The following MICAL3 variants were observed in gnomAD, a reference collection of about 807,000 sequenced individuals.
The protein encoded by MICAL3 is microtubule associated monooxygenase, calponin and LIM domain containing 3, also known as [F-actin]-monooxygenase MICAL3.
Under a neutral mutation model 207.4 loss-of-function variants are expected in MICAL3, and 62 were observed. That is an observed-to-expected ratio of 0.30 (90% confidence interval 0.24 to 0.37). MICAL3 has a LOEUF of 0.37. Ranked by LOEUF, MICAL3 falls within the 10% of genes least tolerant of loss-of-function variation. The pLI is 1.00. For missense variants in MICAL3, 2,368 were observed against 2,635.6 expected (o/e 0.90, Z 2.22); for synonymous variants, 1,077 against 1,069.3 (o/e 1.01, Z -0.14).
At chr22:17,927,387 A>C (rs1363316579) in intron 1 of MICAL3, among the ~76,000 whole-genome samples, 3 of 152,208 alleles carry the variant, frequency 2.0e-5, no homozygotes, top group Non-Finnish European at 4.4e-5. Flanking sequence ...TGCTGCCATA[A>C]ACATGGGGAC....
At chr22:17,961,021 G>A (rs982991089) in intron 1 of MICAL3, among the ~76,000 whole-genome samples, 1 of 152,116 alleles carries the variant, frequency 6.6e-6, no homozygotes, top group East Asian at 1.9e-4. Context: ...GAGCAGGGAA[G>A]AATGACATCG....
chr22:17,791,284 C>A lies in MICAL3; in HGVS notation c.5668G>T (p.Asp1890Tyr), dbSNP rs192602831. ...AACCACTCCTGCATCAGCTTGGGGT[C>A]GTCCTTCTTGCCCATGCCTGCCGAG... Reference protein sequence around the residue: ...RGEAGMGKKDDPKLMQEWFKL... With the variant: ...RGEAGMGKKDYPKLMQEWFKL... Residue 1890 changes from aspartate (D) to tyrosine (Y), a missense_variant, in exon 30 of 32, where the codon GAC becomes TAC. Asp to Tyr is a radical substitution (Grantham distance 160). This residue lies in a region of MICAL3 where 1,770 missense variants were observed against 1,863.2 expected (regional missense o/e 0.95). Transcript: ENST00000441493. 9.2e-5 allele frequency: 148 copies of A among 1,613,622 alleles called. 1 individual carries two copies. The East Asian group carries it at 2.3e-3, about 26-fold the overall frequency.
At position 17,817,363 on chromosome 22, in the gene MICAL3, G is replaced by A; in HGVS notation, c.5298C>T (p.Ser1766=). ...DDKSCPSTPS[S]GATVDSGKHR... ...GCTTTCCAGAGTCCACCGTGGCCCC[G>A]CTGGAGGGGGTGCTGGGGCAGGACT... The change falls in exon 26 of 32, where the codon AGC becomes AGT. Residue 1766 remains serine, a synonymous_variant. Transcript: ENST00000441493. 18 of 1,611,260 alleles carry A rather than the reference G, an allele frequency of 1.1e-5. No homozygotes were observed. The highest frequency in any genetic ancestry group is 1.7e-4 in the Middle Eastern group (1 of 6,056).
At chr22:17,860,653 C>G in intron 19 of MICAL3, 2 of 985,510 alleles carry the variant, frequency 2.0e-6, no homozygotes, top group Non-Finnish European at 2.4e-6. Flanking sequence ...TGGAGCCAGA[C>G]AGGAGACATG....
At chr22:17,951,823 AGTAGCTGG>A (rs2146360542) in intron 1 of MICAL3, among the ~76,000 whole-genome samples, 2 of 151,664 alleles carry the variant, frequency 1.3e-5, no homozygotes, top group South Asian at 4.2e-4. Flanking sequence ...TGGCCCCCTG[AGTAGCTGG>A]GATTACAGGC....
chr22:17,821,599 G>A (rs1449406638), intron 24 of MICAL3, 90 bp from the exon 25 acceptor site: 9 of 1,061,174 alleles, frequency 8.5e-6, no homozygotes, highest in South Asian at 1.5e-5. Context: ...AGGGTGGAGG[G>A]GAGGGTAGAG....
At chr22:17,799,840 CA>C (rs1476154034) in intron 29 of MICAL3, among the ~76,000 whole-genome samples, 3 of 151,434 alleles carry the variant, frequency 2.0e-5, no homozygotes, top group Non-Finnish European at 4.4e-5. Context: ...GATAAAGCTC[CA>C]GGTTGGGAGG....
chr22:17,954,678 CAG>C (rs757561643), intron 1 of MICAL3, among the ~76,000 whole-genome samples: 2 of 152,026 alleles, frequency 1.3e-5, no homozygotes, highest in African/African-American at 2.4e-5. Context: ...GATGAACAAA[CAG>C]AGCAGCAGAA....
At chr22:18,001,384 C>T (rs977196236) in intron 1 of MICAL3, 4 of 152,376 alleles carry the variant, frequency 2.6e-5, no homozygotes, top group East Asian at 1.9e-4. Context: ...CCCGAAGCCC[C>T]GTTCTTACCT....
chr22:17,989,115 T>C (rs1921372953), intron 1 of MICAL3, among the ~76,000 whole-genome samples: 1 of 152,012 alleles, frequency 6.6e-6, no homozygotes. Context: ...CCCCGGCAGG[T>C]TCCCCGATGC....
chr22:17,945,686 A>T (rs528177142), intron 1 of MICAL3, among the ~76,000 whole-genome samples: 1 of 152,050 alleles, frequency 6.6e-6, no homozygotes, highest in Non-Finnish European at 1.5e-5. Context: ...ATACGCCCCA[A>T]TTCCACCAGG....
At chr22:17,836,941 C>T (rs1294725275) in intron 20 of MICAL3, among the ~76,000 whole-genome samples, 1 of 151,952 alleles carries the variant, frequency 6.6e-6, no homozygotes, top group African/African-American at 2.4e-5. Context: ...CCACTGTGCC[C>T]GGCCCCTGGG....
At chr22:17,994,161 T>TGTCCCA (rs1350413734) in intron 1 of MICAL3, among the ~76,000 whole-genome samples, 2 of 152,204 alleles carry the variant, frequency 1.3e-5, no homozygotes, top group African/African-American at 4.8e-5. Flanking sequence ...CCCCTGTCCC[T>TGTCCCA]GTCCCATCAC....
intron 1 of MICAL3, among the ~76,000 whole-genome samples, chr22:17,950,341 T>G (rs950009746): frequency 4.6e-5 from 5 of 108,478 alleles, no homozygotes; most frequent in Non-Finnish European, 5.7e-5. Context: ...GTTTTTGTTT[T>G]TTTTTTTTTT....
intron 16 of MICAL3, among the ~76,000 whole-genome samples, chr22:17,885,379 AAC>A (rs1929778166): frequency 6.6e-6 from 1 of 152,250 alleles, no homozygotes. Flanking sequence ...ACAACATGGG[AAC>A]GCCTACGGTT....
rs148905566 is a variant in MICAL3, at chr22:17,918,274, G to A, written c.-74-11388C>T. ...CTGGCCTGGCGGACAGAACGAGACT[G>A]TCTCTTAAAAAAAAAACATTGAGGA... is the stretch of plus-strand genomic sequence containing the variant. On this transcript the variant is annotated intron_variant, in intron 1 of 31. Transcript: ENST00000441493. 1.2e-4 allele frequency among the ~76,000 whole-genome samples: 18 copies of A among 149,838 alleles called. No individual in the cohort carries two copies. In the East Asian group the frequency reaches 3.5e-3, roughly 29 times the overall value.
chr22:17,947,044 C>G (rs1348263179), intron 1 of MICAL3, among the ~76,000 whole-genome samples: 1 of 152,194 alleles, frequency 6.6e-6, no homozygotes, highest in Non-Finnish European at 1.5e-5. Context: ...TTGTTTAAAT[C>G]ACAAAGAAAG....
chr22:17,968,245 GTGC>G (rs1935241583), intron 1 of MICAL3, among the ~76,000 whole-genome samples: 1 of 152,096 alleles, frequency 6.6e-6, no homozygotes, highest in Admixed American at 6.6e-5. Context: ...ATCAGATAGC[GTGC>G]CCAGTGCCGA....
At chr22:17,850,401 T>G (rs897871422) in intron 19 of MICAL3, among the ~76,000 whole-genome samples, 4 of 63,374 alleles carry the variant, frequency 6.3e-5, no homozygotes, top group Non-Finnish European at 8.8e-5. Flanking sequence ...TTTGAATTAG[T>G]TTTTTTTTTT....
Sources: allele counts gnomAD v4.1 joint callset (sites outside exome capture counted in the v4.1 genomes callset), GRCh38; gene constraint gnomAD v4.1.1; regional missense constraint gnomAD v4.1.1; transcripts MANE v1.5; gene names NCBI Gene and HGNC (gene_info 2026-07-23, HGNC 2026-07-21).